SH3BGRL2: variants seen among roughly 807,000 people sequenced by gnomAD.
SH3BGRL2 encodes the protein SH3 domain binding glutamate rich protein like 2.
A neutral mutation model predicts 14.8 loss-of-function variants in SH3BGRL2; 21 were observed. That is an observed-to-expected ratio of 1.42 (90% CI 1.01 to 2.05). The LOEUF is 2.05. Ranked by LOEUF, SH3BGRL2 falls within the 30% of genes most tolerant of loss-of-function variation. The probability of loss-of-function intolerance (pLI) is 0.00; values close to 1 mark genes in which losing one functional copy is unlikely to be tolerated. For synonymous variants in SH3BGRL2, 50 were observed against 47.8 expected (o/e 1.05, Z -0.19); for missense variants, 147 against 130.8 (o/e 1.12, Z -0.61).
At chr6:79,579,852 G>T in the SH3BGRL2 span, among the ~76,000 whole-genome samples, 2 of 152,152 alleles carry the variant, frequency 1.3e-5, no homozygotes, top group African/African-American at 4.8e-5. Context: ...GACACAGACT[G>T]ACAAATTGGA....
chr6:79,581,134 G>A, the SH3BGRL2 span, among the ~76,000 whole-genome samples: 2 of 152,136 alleles, frequency 1.3e-5, no homozygotes, highest in Non-Finnish European at 2.9e-5. Context: ...CTCTGAAATT[G>A]AGGCAACAAT....
chr6:79,575,730 T>C, the SH3BGRL2 span, among the ~76,000 whole-genome samples: 1 of 152,136 alleles, frequency 6.6e-6, no homozygotes, highest in African/African-American at 2.4e-5. Context: ...TTTTAAACTT[T>C]CATGTTACTC....
At chr6:79,653,016 A>G (rs544256931) in intron 1 of SH3BGRL2, among the ~76,000 whole-genome samples, 107 of 152,294 alleles carry the variant, frequency 7.0e-4, no homozygotes, top group African/African-American at 2.6e-3. Flanking sequence ...AACAAAATCA[A>G]TTAAGAAAAA....
chr6:79,643,138 C>G (rs1769063412), intron 1 of SH3BGRL2, among the ~76,000 whole-genome samples: 1 of 152,204 alleles, frequency 6.6e-6, no homozygotes, highest in Admixed American at 6.5e-5. Flanking sequence ...GTCCTACAAA[C>G]TATGATTTCT....
At chr6:79,555,516 G>C in the SH3BGRL2 span, among the ~76,000 whole-genome samples, 1 of 152,090 alleles carries the variant, frequency 6.6e-6, no homozygotes, top group Non-Finnish European at 1.5e-5. Flanking sequence ...CTGACAAACT[G>C]TTTGTTTTGT....
chr6:79,551,656 C>T, the SH3BGRL2 span, among the ~76,000 whole-genome samples: 2 of 152,202 alleles, frequency 1.3e-5, no homozygotes, highest in African/African-American at 4.8e-5. Context: ...ACATACTCAA[C>T]TGGTTACAGG....
chr6:79,572,435 G>A, the SH3BGRL2 span, among the ~76,000 whole-genome samples: 1 of 144,038 alleles, frequency 6.9e-6, no homozygotes. Context: ...GTATAAAATG[G>A]CATCTATTTT....
chr6:79,593,272 T>C, the SH3BGRL2 span, among the ~76,000 whole-genome samples: 2 of 152,174 alleles, frequency 1.3e-5, no homozygotes, highest in Non-Finnish European at 2.9e-5. Context: ...ATAAGAACTA[T>C]CTTTTATGGT....
chr6:79,684,917 C>T (rs1450793113), intron 2 of SH3BGRL2, among the ~76,000 whole-genome samples: 1 of 152,140 alleles, frequency 6.6e-6, no homozygotes, highest in Non-Finnish European at 1.5e-5. Context: ...TGGCATCTTT[C>T]CAGATACCAG....
At chr6:79,563,620 C>T in the SH3BGRL2 span, among the ~76,000 whole-genome samples, 3 of 152,138 alleles carry the variant, frequency 2.0e-5, no homozygotes, top group Admixed American at 2.0e-4. Context: ...AGGTTGGAGA[C>T]ATGCAGCCCA....
At chr6:79,572,322 A>G in the SH3BGRL2 span, among the ~76,000 whole-genome samples, 13 of 152,334 alleles carry the variant, frequency 8.5e-5, no homozygotes, top group South Asian at 1.2e-3. Flanking sequence ...CAAAGTAGTA[A>G]TATCAATTTA....
intron 1 of SH3BGRL2, among the ~76,000 whole-genome samples, chr6:79,671,973 T>G (rs949607108): frequency 1.3e-5 from 2 of 152,242 alleles, no homozygotes; most frequent in African/African-American, 4.8e-5. Context: ...TAGTACTAGC[T>G]AATTTTCTAA....
chr6:79,643,995 G>A (rs1367125309), intron 1 of SH3BGRL2, among the ~76,000 whole-genome samples: 1 of 152,184 alleles, frequency 6.6e-6, no homozygotes, highest in Non-Finnish European at 1.5e-5. Context: ...AGGTAATACG[G>A]GGAAAGAAAG....
chr6:79,665,191 C>A (rs895660726), intron 1 of SH3BGRL2, among the ~76,000 whole-genome samples: 2 of 152,178 alleles, frequency 1.3e-5, no homozygotes, highest in East Asian at 3.9e-4. Flanking sequence ...CAGAGCGAGA[C>A]TCCGTCTCTA....
the SH3BGRL2 span, among the ~76,000 whole-genome samples, chr6:79,623,095 C>T: frequency 6.6e-6 from 1 of 152,062 alleles, no homozygotes; most frequent in Non-Finnish European, 1.5e-5. Context: ...CACTTGAGGT[C>T]AGGAGTTCAA....
At chr6:79,633,434 TATACCTATTAGTATA>T (rs1477598129) in intron 1 of SH3BGRL2, among the ~76,000 whole-genome samples, 7 of 152,350 alleles carry the variant, frequency 4.6e-5, no homozygotes, top group South Asian at 2.1e-4. Context: ...TAGGTATACC[TATACCTATTAGTATA>T]ATACCTATTA....
At chr6:79,637,838 A>G (rs1768956654) in intron 1 of SH3BGRL2, among the ~76,000 whole-genome samples, 1 of 152,224 alleles carries the variant, frequency 6.6e-6, no homozygotes, top group Non-Finnish European at 1.5e-5. Flanking sequence ...AGAAAAACAT[A>G]TATGATAATG....
At chr6:79,661,776 G>C (rs1253238651) in intron 1 of SH3BGRL2, among the ~76,000 whole-genome samples, 1 of 152,102 alleles carries the variant, frequency 6.6e-6, no homozygotes, top group Non-Finnish European at 1.5e-5. Flanking sequence ...AAGTCTCTTT[G>C]TAGGTCTCTA....
chr6:79,636,077 G>A (rs1039416723), intron 1 of SH3BGRL2, among the ~76,000 whole-genome samples: 1 of 152,132 alleles, frequency 6.6e-6, no homozygotes, highest in Non-Finnish European at 1.5e-5. Context: ...GAGTATAACT[G>A]GCCACTTTAG....
Sources: gnomAD v4.1 joint callset for allele counts (sites outside exome capture counted in the v4.1 genomes callset) on GRCh38, gnomAD v4.1.1 for gene constraint, MANE v1.5 for transcripts, NCBI Gene and HGNC (gene_info 2026-07-23, HGNC 2026-07-21) for gene names.